SHTN1: variants seen among roughly 807,000 people sequenced by gnomAD.
SHTN1 encodes the protein shootin 1.
In SHTN1, 42 loss-of-function variants were observed where a neutral mutation model predicts 83.1. The ratio of observed to expected loss-of-function variants is 0.51; its 90% confidence interval spans 0.39 to 0.65. The LOEUF is 0.65. Ranked by LOEUF, SHTN1 falls within the 30% of genes least tolerant of loss-of-function variation. SHTN1 has a pLI of 0.00. For missense variants in SHTN1, 622 were observed against 737.8 expected (o/e 0.84, Z 1.82); for synonymous variants, 224 against 247.7 (o/e 0.90, Z 0.90).
At chr10:117,097,685 A>G (rs1358998389) in intron 1 of SHTN1, among the ~76,000 whole-genome samples, 2 of 152,224 alleles carry the variant, frequency 1.3e-5, no homozygotes, top group Non-Finnish European at 2.9e-5. Flanking sequence ...ACCATGACCC[A>G]GTTTACACTT....
intron 1 of SHTN1, among the ~76,000 whole-genome samples, chr10:117,087,633 C>T (rs545556436): frequency 1.8e-4 from 28 of 152,146 alleles, no homozygotes; most frequent in East Asian, 3.9e-4. Context: ...AAAATATTTA[C>T]GTGACATACA....
chr10:117,055,926 G>A (rs1852820249), intron 1 of SHTN1, among the ~76,000 whole-genome samples: 1 of 152,098 alleles, frequency 6.6e-6, no homozygotes, highest in Non-Finnish European at 1.5e-5. Flanking sequence ...ATGTTTTACT[G>A]TAATTTTTTA....
At chr10:117,076,804 C>T (rs769927922) in intron 1 of SHTN1, among the ~76,000 whole-genome samples, 1 of 152,218 alleles carries the variant, frequency 6.6e-6, no homozygotes, top group Non-Finnish European at 1.5e-5. Flanking sequence ...CAAGGTCATA[C>T]AGACGCCTCT....
At chr10:116,930,683 G>A (rs779680861) in intron 9 of SHTN1, among the ~76,000 whole-genome samples, 1 of 152,218 alleles carries the variant, frequency 6.6e-6, no homozygotes, top group Admixed American at 6.5e-5. Flanking sequence ...ATAGTGCTGC[G>A]ATGAATATGT....
intron 2 of SHTN1, among the ~76,000 whole-genome samples, chr10:116,969,856 C>T (rs1160318638): frequency 2.0e-5 from 3 of 152,008 alleles, no homozygotes; most frequent in Non-Finnish European, 2.9e-5. Flanking sequence ...AAGATATTCA[C>T]CACAAGTAGC....
intron 15 of SHTN1, among the ~76,000 whole-genome samples, chr10:116,902,398 G>A (rs753103065): frequency 3.2e-4 from 49 of 152,260 alleles, no homozygotes; most frequent in Admixed American, 9.8e-4. Context: ...GCTCATGAAG[G>A]CTTCTTGAGC....
intron 1 of SHTN1, among the ~76,000 whole-genome samples, chr10:117,125,890 T>A: frequency 6.6e-6 from 1 of 152,202 alleles, no homozygotes; most frequent in South Asian, 2.1e-4. Context: ...TAAAATGGGC[T>A]GATGACCTGA....
intron 8 of SHTN1, among the ~76,000 whole-genome samples, chr10:116,944,628 G>A (rs574479229): frequency 1.3e-5 from 2 of 152,250 alleles, no homozygotes; most frequent in East Asian, 3.9e-4. Flanking sequence ...GCTGGGCACG[G>A]TGGCTCACTT....
chr10:117,047,095 C>T (rs146665501), intron 2 of SHTN1, among the ~76,000 whole-genome samples: 1,961 of 152,170 alleles, frequency 0.013, 33 homozygotes, highest in African/African-American at 0.044. Flanking sequence ...GACAGAGTCT[C>T]ACTCTGTCGC....
chr10:116,916,948 T>C (rs76732587), intron 12 of SHTN1, among the ~76,000 whole-genome samples: 249 of 152,304 alleles, frequency 1.6e-3, no homozygotes, highest in African/African-American at 5.8e-3. Flanking sequence ...AACAAGTATC[T>C]TTTGCCAAGC....
intron 16 of SHTN1, chr10:116,900,728 T>C (rs1847701178): frequency 1.0e-6 from 1 of 983,868 alleles, no homozygotes; most frequent in African/African-American, 1.7e-5. Flanking sequence ...ATCATCTTTC[T>C]GTTAGAACTG....
intron 9 of SHTN1, among the ~76,000 whole-genome samples, chr10:116,931,249 T>C (rs1320234238): frequency 6.6e-6 from 1 of 152,122 alleles, no homozygotes; most frequent in Non-Finnish European, 1.5e-5. Flanking sequence ...GTTTCGTTTT[T>C]GTTTTTGTTT....
chr10:116,910,164 A>G (rs1848133380), intron 14 of SHTN1, among the ~76,000 whole-genome samples: 1 of 152,176 alleles, frequency 6.6e-6, no homozygotes, highest in Non-Finnish European at 1.5e-5. Flanking sequence ...CAAATAGTCC[A>G]TCCTTCCTCA....
At chr10:116,993,017 C>CTTTT (rs35364697) in intron 1 of SHTN1, among the ~76,000 whole-genome samples, 20 of 121,222 alleles carry the variant, frequency 1.6e-4, no homozygotes, top group Admixed American at 3.0e-4. Flanking sequence ...TCTTTTTTTT[C>CTTTT]TTTTTTTTTT....
intron 11 of SHTN1, among the ~76,000 whole-genome samples, chr10:116,922,705 G>T (rs995067249): frequency 6.6e-6 from 1 of 151,996 alleles, no homozygotes; most frequent in Non-Finnish European, 1.5e-5. Context: ...TGGCTCACAC[G>T]TGTAATCCCA....
intron 13 of SHTN1, among the ~76,000 whole-genome samples, chr10:116,912,914 CAGAG>C (rs1462457375): frequency 1.3e-5 from 2 of 152,086 alleles, no homozygotes; most frequent in Non-Finnish European, 2.9e-5. Context: ...ATTTTAAAAA[CAGAG>C]AAGAGAGAGG....
intron 4 of SHTN1, among the ~76,000 whole-genome samples, chr10:116,956,373 A>C: frequency 6.6e-6 from 1 of 152,164 alleles, no homozygotes; most frequent in East Asian, 1.9e-4. Flanking sequence ...CAACTAACCT[A>C]ATCCTTATGT....
At chr10:116,935,967 G>A (rs1849144080) in intron 9 of SHTN1, among the ~76,000 whole-genome samples, 1 of 152,178 alleles carries the variant, frequency 6.6e-6, no homozygotes, top group African/African-American at 2.4e-5. Flanking sequence ...GGTATTTATA[G>A]TATTCTCTGA....
chr10:116,881,708 TTAG>T lies in SHTN1; in HGVS notation c.*4633_*4635del. On this transcript the variant is annotated 3_prime_UTR_variant, in exon 17 of 17. Transcript: ENST00000355371. ...CCAGGTTCCAGCCACACCATCAGTATTAGTAGACCGGGAGGTCTGAAGTACGGC... is the reference window on the plus strand; with the variant it reads ...CCAGGTTCCAGCCACACCATCAGTATTAGACCGGGAGGTCTGAAGTACGGC... 7.2e-7 allele frequency: 1 copy of T among 1,394,952 alleles called. No homozygotes were observed. Among genetic ancestry groups the T allele is most frequent in the Non-Finnish European group, 9.4e-7 (1 of 1,067,032 alleles). The allele number at this position is 1,394,952 out of a possible 1,614,324, so 86.4% of individuals were successfully genotyped here.
Sources: gnomAD v4.1 joint callset for allele counts (sites outside exome capture counted in the v4.1 genomes callset) on GRCh38, gnomAD v4.1.1 for gene constraint, MANE v1.5 for transcripts, NCBI Gene and HGNC (gene_info 2026-07-23, HGNC 2026-07-21) for gene names.